PACRG: variants seen among roughly 807,000 people sequenced by gnomAD.
PACRG encodes the protein parkin coregulated gene protein.
PACRG carries 29 observed loss-of-function variants against 29.7 expected under a neutral mutation model. The observed-to-expected ratio is 0.98, with a 90% CI of 0.73 to 1.33. The LOEUF is 1.33. Among genes scored for constraint, PACRG ranks in the 40% most tolerant of loss-of-function variants. PACRG has a pLI of 0.00. For missense variants in PACRG, 279 were observed against 316.2 expected, an observed-to-expected ratio of 0.88 and a Z score of 0.89; for synonymous variants, 116 against 118.7, an observed-to-expected ratio of 0.98 and a Z score of 0.15.
chr6:163,107,128 A>G (rs1400082721), intron 4 of PACRG, among the ~76,000 whole-genome samples: 2 of 152,172 alleles, frequency 1.3e-5, no homozygotes, highest in Non-Finnish European at 2.9e-5. Flanking sequence ...AAAGAAGGTC[A>G]GTGAATATGA....
At chr6:163,248,431 C>CA (rs199676766) in intron 4 of PACRG, among the ~76,000 whole-genome samples, 28,532 of 109,422 alleles carry the variant, frequency 0.26, 2,965 homozygotes, top group African/African-American at 0.31. Context: ...ATATTTTATG[C>CA]AAAAAAAAAA....
rs1441930311 is a variant in PACRG, at chr6:162,931,022, G to A, written c.291+116741G>A. On this transcript the variant is annotated intron_variant, in intron 2 of 4. Coordinates refer to ENST00000366888, the MANE Select transcript of PACRG (RefSeq NM_001080379.2). ...TTTCATATACGTTCTTCAGTGATAT[G>A]GGCCTATAGTTTTCTTTTTTTGTTG... 2.0e-5 allele frequency among the ~76,000 whole-genome samples: 3 copies of A among 151,672 alleles called. No individual in the cohort carries two copies. The East Asian group carries it at 5.8e-4, about 29-fold the overall frequency.
Position 163,068,495 on chromosome 6 carries a change from T to TTA in PACRG, c.463+6174_463+6175insTA, listed in dbSNP as rs1554350062. Among the ~76,000 whole-genome samples the TTA allele has an allele frequency of 1.3e-4, 19 of 150,876 alleles. No individual in the cohort carries two copies. In the East Asian group the frequency reaches 1.4e-3, roughly 11 times the overall value. On this transcript the variant is annotated intron_variant, in intron 3 of 4. Transcript: ENST00000366888. ...TATACTTTAATGCTTTTTTTTTTTTTATCAATTTTCCCAGGAAATTTCAAT... is the reference window on the plus strand; with the variant it reads ...TATACTTTAATGCTTTTTTTTTTTTTTAATCAATTTTCCCAGGAAATTTCAAT...
intron 2 of PACRG, among the ~76,000 whole-genome samples, chr6:163,010,556 A>C (rs552240320): frequency 6.6e-6 from 1 of 152,242 alleles, no homozygotes; most frequent in South Asian, 2.1e-4. Context: ...AGTCCTAGCA[A>C]CTGTTATCCT....
intron 4 of PACRG, among the ~76,000 whole-genome samples, chr6:163,217,115 A>ACT (rs1781393085): frequency 6.6e-6 from 1 of 152,052 alleles, no homozygotes; most frequent in Non-Finnish European, 1.5e-5. Context: ...AGTGTGAAAG[A>ACT]CTCTGGGATG....
intron 2 of PACRG, among the ~76,000 whole-genome samples, chr6:162,943,147 C>T (rs1317030471): frequency 2.0e-5 from 3 of 152,166 alleles, no homozygotes; most frequent in Admixed American, 6.5e-5. Flanking sequence ...CCGCATTGCT[C>T]GAGAGAAGCT....
At chr6:163,089,033 G>A (rs1813853830) in intron 3 of PACRG, among the ~76,000 whole-genome samples, 1 of 152,132 alleles carries the variant, frequency 6.6e-6, no homozygotes, top group African/African-American at 2.4e-5. Flanking sequence ...CCTAGGGCTG[G>A]TGAGAAATCA....
chr6:163,078,472 C>T (rs1462563095), intron 3 of PACRG, among the ~76,000 whole-genome samples: 1 of 118,734 alleles, frequency 8.4e-6, no homozygotes, highest in African/African-American at 3.3e-5. Context: ...CCAGCCTGGG[C>T]AACAAGAGCA....
At chr6:163,177,709 G>GGT (rs1562951194) in intron 4 of PACRG, among the ~76,000 whole-genome samples, 2 of 33,646 alleles carry the variant, frequency 5.9e-5, no homozygotes, top group Non-Finnish European at 6.5e-5. Flanking sequence ...TTAGAAAAGG[G>GGT]ATTTTTTTTT....
rs1810507373 is a variant in PACRG at position 163,055,578 on chromosome 6, A to G, written c.292-6572A>G. ...TCCTGTAGGAAGTAGAACTGTATCT[A>G]CTGTGTTAAAAAAGTTTGTGTCTCA... On this transcript the variant is annotated intron_variant, in intron 2 of 4. Transcript: ENST00000366888. This position sits in a 1 kb window ranked among gnomAD's most constrained non-coding sequence, Gnocchi z 4.0. Among the ~76,000 whole-genome samples, 1 of 152,196 alleles carries G rather than the reference A, an allele frequency of 6.6e-6. No individual in the cohort carries two copies. Among genetic ancestry groups the G allele is most frequent in the Non-Finnish European group, 1.5e-5 (1 of 68,030 alleles).
intron 2 of PACRG, 186 bp downstream of exon 2, chr6:162,814,467 A>G (rs1184248426): frequency 1.7e-6 from 1 of 604,512 alleles, no homozygotes; most frequent in Non-Finnish European, 2.6e-6. Context: ...ATTAAATTAT[A>G]GCCTGCAAAG....
At chr6:162,841,502 CT>C (rs1387382046) in intron 2 of PACRG, among the ~76,000 whole-genome samples, 1 of 151,908 alleles carries the variant, frequency 6.6e-6, no homozygotes, top group Non-Finnish European at 1.5e-5. Context: ...CTTTATTAGT[CT>C]TGCTAGCAGT....
At chr6:163,228,497 G>A (rs1259120953) in intron 4 of PACRG, among the ~76,000 whole-genome samples, 3 of 152,008 alleles carry the variant, frequency 2.0e-5, no homozygotes, top group Non-Finnish European at 4.4e-5. Flanking sequence ...AATTATGCTG[G>A]CGGTCAGTTT....
At chr6:163,290,322 AC>A (rs2128186801) in intron 4 of PACRG, among the ~76,000 whole-genome samples, 2 of 147,006 alleles carry the variant, frequency 1.4e-5, no homozygotes, top group South Asian at 4.3e-4. Flanking sequence ...ACACACACAC[AC>A]AGCAATCACT....
chr6:163,169,860 C>A (rs1400212553), intron 4 of PACRG, among the ~76,000 whole-genome samples: 1 of 152,194 alleles, frequency 6.6e-6, no homozygotes, highest in Non-Finnish European at 1.5e-5. Flanking sequence ...GTGCTGGAGG[C>A]CGGCAGTCCA....
intron 2 of PACRG, among the ~76,000 whole-genome samples, chr6:162,850,876 A>G (rs1249522402): frequency 2.6e-5 from 4 of 152,212 alleles, no homozygotes; most frequent in Admixed American, 2.6e-4. Context: ...GAGACTTGCA[A>G]ATGGTGTCTG....
chr6:162,798,727 C>T (rs1384936422), intron 1 of PACRG, among the ~76,000 whole-genome samples: 1 of 152,124 alleles, frequency 6.6e-6, no homozygotes, highest in Non-Finnish European at 1.5e-5. Flanking sequence ...AAAGTGAAAG[C>T]TTCTTGTCTG....
chr6:162,826,528 A>G (rs1220750925), intron 2 of PACRG, among the ~76,000 whole-genome samples: 2 of 150,650 alleles, frequency 1.3e-5, no homozygotes, highest in South Asian at 2.1e-4. Context: ...CAATGGTGCA[A>G]TCTCGGCTCA....
At chr6:163,270,758 C>T (rs907376398) in intron 4 of PACRG, among the ~76,000 whole-genome samples, 1 of 152,000 alleles carries the variant, frequency 6.6e-6, no homozygotes, top group Non-Finnish European at 1.5e-5. Context: ...GATTTGATTA[C>T]ATAAAAATGA....
Sources: allele counts gnomAD v4.1 joint callset (sites outside exome capture counted in the v4.1 genomes callset), GRCh38; gene constraint gnomAD v4.1.1; non-coding constraint Gnocchi (gnomAD v3.1); transcripts MANE v1.5; gene names NCBI Gene and HGNC (gene_info 2026-07-23, HGNC 2026-07-21).